CAST: variants seen among roughly 807,000 people sequenced by gnomAD.
CAST encodes MIR583 host.
A neutral mutation model predicts 119.6 loss-of-function variants in CAST; 76 were observed. That is an observed-to-expected ratio of 0.64 (90% confidence interval 0.53 to 0.77). The LOEUF is 0.77. CAST is among the 30% of genes least tolerant of loss of function. The pLI is 0.00. For synonymous variants in CAST, 319 were observed against 331.6 expected (o/e 0.96, Z 0.41); for missense variants, 953 against 946.5 (o/e 1.01, Z -0.09).
At chr5:96,426,450 T>A in the CAST span, among the ~76,000 whole-genome samples, 8 of 152,228 alleles carry the variant, frequency 5.3e-5, no homozygotes. Flanking sequence ...CTCCCTCCCC[T>A]GTGCTTCGAC....
At chr5:96,252,518 A>G in the CAST span, among the ~76,000 whole-genome samples, 1 of 152,070 alleles carries the variant, frequency 6.6e-6, no homozygotes, top group Non-Finnish European at 1.5e-5. Flanking sequence ...TTTATACCAA[A>G]ATCTCAAGGG....
chr5:96,661,664 G>A (rs975817476), upstream of CAST, among the ~76,000 whole-genome samples: 1 of 152,164 alleles, frequency 6.6e-6, no homozygotes, highest in African/African-American at 2.4e-5. Flanking sequence ...TGTTTAAGAT[G>A]AGCCCAAGAA....
chr5:96,300,107 G>A, the CAST span, among the ~76,000 whole-genome samples: 2 of 151,822 alleles, frequency 1.3e-5, no homozygotes, highest in Non-Finnish European at 2.9e-5. Flanking sequence ...TTCTTATTTT[G>A]TTGTAATCTC....
intron 1 of CAST, among the ~76,000 whole-genome samples, chr5:96,621,673 T>G (rs1747608195): frequency 6.6e-6 from 1 of 152,150 alleles, no homozygotes; most frequent in Non-Finnish European, 1.5e-5. Flanking sequence ...ACATGGGGAT[T>G]ATGAGGATTA....
At chr5:96,434,043 G>C in the CAST span, 1 of 152,330 alleles carries the variant, frequency 6.6e-6, no homozygotes, top group East Asian at 1.9e-4. Flanking sequence ...GATTCAGGGA[G>C]GGAAAGAGCA....
At chr5:96,442,347 A>G in the CAST span, among the ~76,000 whole-genome samples, 48 of 152,334 alleles carry the variant, frequency 3.2e-4, 1 homozygote, top group South Asian at 9.9e-3. Context: ...GCCCATAGTA[A>G]GTACTCAATA....
chr5:96,597,939 G>A (rs1016359579), intron 1 of CAST, among the ~76,000 whole-genome samples: 1 of 151,564 alleles, frequency 6.6e-6, no homozygotes, highest in African/African-American at 2.4e-5. Context: ...GGAAAAAGAA[G>A]GGGGGAGGGG....
chr5:96,231,516 GATGGGTTTCTTT>G, the CAST span, among the ~76,000 whole-genome samples: 1 of 152,064 alleles, frequency 6.6e-6, no homozygotes, highest in Non-Finnish European at 1.5e-5. Context: ...TTTTCATGGG[GATGGGTTTCTTT>G]ATGAGATGAT....
chr5:96,263,856 A>T, the CAST span, among the ~76,000 whole-genome samples: 1 of 152,206 alleles, frequency 6.6e-6, no homozygotes, highest in Non-Finnish European at 1.5e-5. Flanking sequence ...GAGGAGAGAC[A>T]AAGAGAACAA....
the CAST span, among the ~76,000 whole-genome samples, chr5:96,066,001 A>G: frequency 1.3e-5 from 2 of 152,208 alleles, no homozygotes; most frequent in Non-Finnish European, 2.9e-5. Flanking sequence ...GAGTGTAATG[A>G]GGAAGAGAAC....
chr5:96,400,660 G>T, the CAST span, among the ~76,000 whole-genome samples: 1 of 152,168 alleles, frequency 6.6e-6, no homozygotes, highest in Non-Finnish European at 1.5e-5. Flanking sequence ...CTGGCTACCT[G>T]CTGTAAACAT....
the CAST span, among the ~76,000 whole-genome samples, chr5:96,484,548 G>A: frequency 6.6e-6 from 1 of 152,068 alleles, no homozygotes; most frequent in African/African-American, 2.4e-5. Context: ...TATAAGCCTG[G>A]ACTTTTCCAC....
the CAST span, among the ~76,000 whole-genome samples, chr5:96,112,780 G>T: frequency 6.6e-6 from 1 of 152,166 alleles, no homozygotes. Context: ...GAACATTTAT[G>T]TTAGCCAACA....
chr5:96,294,874 G>A, the CAST span, among the ~76,000 whole-genome samples: 2 of 152,158 alleles, frequency 1.3e-5, no homozygotes, highest in Admixed American at 6.5e-5. Flanking sequence ...TCTATTTCCT[G>A]TAACATTAAG....
intron 1 of CAST, among the ~76,000 whole-genome samples, chr5:96,570,725 A>C (rs1421164483): frequency 6.6e-6 from 1 of 152,236 alleles, no homozygotes; most frequent in African/African-American, 2.4e-5. Context: ...TTACTACTTT[A>C]GGAAAAATAT....
At chr5:96,749,598 G>A (rs1296076236) in intron 19 of CAST, among the ~76,000 whole-genome samples, 1 of 152,220 alleles carries the variant, frequency 6.6e-6, no homozygotes, top group East Asian at 1.9e-4. Flanking sequence ...CCAGCTGGGA[G>A]TGTAGTGGCA....
the CAST span, among the ~76,000 whole-genome samples, chr5:96,236,655 T>C: frequency 6.6e-6 from 1 of 152,220 alleles, no homozygotes; most frequent in East Asian, 1.9e-4. Context: ...AACTTTCTGA[T>C]AATCTACTCC....
the CAST span, among the ~76,000 whole-genome samples, chr5:96,109,464 A>T: frequency 1.3e-5 from 2 of 152,250 alleles, no homozygotes; most frequent in African/African-American, 2.4e-5. Flanking sequence ...GAAAATGTTG[A>T]TGAGGCTTTG....
the CAST span, among the ~76,000 whole-genome samples, chr5:96,272,569 GA>G: frequency 6.6e-6 from 1 of 152,140 alleles, no homozygotes; most frequent in Non-Finnish European, 1.5e-5. Context: ...TGAAGACAGA[GA>G]GTAGATAATG....
Sources: gnomAD v4.1 joint callset for allele counts (sites outside exome capture counted in the v4.1 genomes callset) on GRCh38, gnomAD v4.1.1 for gene constraint, MANE v1.5 for transcripts, NCBI Gene and HGNC (gene_info 2026-07-23, HGNC 2026-07-21) for gene names.